ZDHHC14: variants seen among roughly 807,000 people sequenced by gnomAD.
ZDHHC14 encodes zDHHC palmitoyltransferase 14.
A neutral mutation model predicts 47.7 loss-of-function variants in ZDHHC14; 16 were observed. The ratio of observed to expected loss-of-function variants is 0.34; its 90% CI spans 0.23 to 0.51. The LOEUF is 0.51. Ranked by LOEUF, ZDHHC14 falls within the 20% of genes least tolerant of loss-of-function variation. The pLI, the probability that ZDHHC14 is intolerant of heterozygous loss-of-function variation, is 0.97. For synonymous variants in ZDHHC14, 293 were observed against 278.9 expected, an observed-to-expected ratio of 1.05 and a Z score of -0.50; for missense variants, 515 against 662.5, an observed-to-expected ratio of 0.78 and a Z score of 2.44.
chr6:157,615,649 C>T (rs1784935509), intron 3 of ZDHHC14, among the ~76,000 whole-genome samples: 1 of 152,230 alleles, frequency 6.6e-6, no homozygotes, highest in Admixed American at 6.5e-5. Flanking sequence ...AAGTCCTCTG[C>T]CGTAGAGTCC....
In ZDHHC14 at chr6:157,673,330, A is replaced by G; in HGVS notation, c.*208A>G. On this transcript the variant is annotated 3_prime_UTR_variant, in exon 9 of 9. Transcript: ENST00000359775. The surrounding 1 kb of genome is among the most constrained non-coding windows in gnomAD (Gnocchi z 5.4). ...GGTTTCATTTGAATTTTCTTCCCCAACCTGAGTGCTTTGACAACAATGGAA... is the reference window on the plus strand; with the variant it reads ...GGTTTCATTTGAATTTTCTTCCCCAGCCTGAGTGCTTTGACAACAATGGAA... The G allele has an allele frequency of 1.6e-6, 1 of 607,794 alleles. No individual in the cohort carries two copies. 37.7% of individuals were successfully genotyped at this position (607,794 alleles called of 1,614,324 possible).
chr6:157,413,555 G>T (rs374236200), intron 1 of ZDHHC14, among the ~76,000 whole-genome samples: 2 of 151,282 alleles, frequency 1.3e-5, no homozygotes, highest in African/African-American at 2.4e-5. Context: ...TCTTTTAAAG[G>T]TATCTCTGTT....
intron 1 of ZDHHC14, among the ~76,000 whole-genome samples, chr6:157,501,746 C>T (rs1185424707): frequency 6.6e-6 from 1 of 152,182 alleles, no homozygotes; most frequent in Non-Finnish European, 1.5e-5. Context: ...TAGTTTGTAG[C>T]AGAGTATCAA....
chr6:157,556,043 C>G (rs897820651), intron 2 of ZDHHC14, among the ~76,000 whole-genome samples: 5 of 152,072 alleles, frequency 3.3e-5, no homozygotes, highest in African/African-American at 4.8e-5. Flanking sequence ...TACTGGGATG[C>G]GGGGCGGCAG....
chr6:157,419,169 C>T (rs1778046391), intron 1 of ZDHHC14, among the ~76,000 whole-genome samples: 1 of 152,128 alleles, frequency 6.6e-6, no homozygotes, highest in Non-Finnish European at 1.5e-5. Context: ...CTGAGGTTGT[C>T]CCTCCAGTCT....
intron 1 of ZDHHC14, among the ~76,000 whole-genome samples, chr6:157,539,238 CA>C (rs1425459141): frequency 6.6e-6 from 1 of 151,760 alleles, no homozygotes; most frequent in East Asian, 1.9e-4. Flanking sequence ...AGTGTTTCTA[CA>C]AAACACACAA....
intron 1 of ZDHHC14, among the ~76,000 whole-genome samples, chr6:157,520,931 T>G (rs954364337): frequency 3.3e-5 from 5 of 152,220 alleles, no homozygotes; most frequent in African/African-American, 7.2e-5. Context: ...TCTAGACCAT[T>G]TTTTTAATTT....
At chr6:157,462,402 C>G (rs748849813) in intron 1 of ZDHHC14, among the ~76,000 whole-genome samples, 1 of 152,170 alleles carries the variant, frequency 6.6e-6, no homozygotes, top group East Asian at 1.9e-4. Context: ...AAAGTTACCT[C>G]GAGCCATAAG....
intron 1 of ZDHHC14, among the ~76,000 whole-genome samples, chr6:157,470,286 G>T (rs1779324047): frequency 6.6e-6 from 1 of 152,142 alleles, no homozygotes; most frequent in Admixed American, 6.6e-5. Flanking sequence ...AAAAACAGGA[G>T]AATAATTAAG....
intron 1 of ZDHHC14, among the ~76,000 whole-genome samples, chr6:157,410,411 A>G (rs920858354): frequency 3.3e-5 from 5 of 152,248 alleles, no homozygotes; most frequent in African/African-American, 9.6e-5. Flanking sequence ...TGCATTTTGT[A>G]TAAAAAAATG....
chr6:157,507,081 T>C (rs1297913246), intron 1 of ZDHHC14, among the ~76,000 whole-genome samples: 2 of 152,194 alleles, frequency 1.3e-5, no homozygotes, highest in Non-Finnish European at 2.9e-5. Context: ...GGTTCATTCA[T>C]GTTAGACATT....
rs980622542 is a variant in ZDHHC14, at chr6:157,593,103, G to T, written c.522G>T (p.Arg174=). 2.5e-6 allele frequency: 4 copies of T among 1,613,922 alleles called. No individual in the cohort carries two copies. In the African/African-American group the frequency reaches 5.3e-5, roughly 22 times the overall value. The stretch of plus-strand genomic sequence containing the variant: ...ACTGTTTCACCTGCAAGATTTTCCG[G>T]CCCCCTCGCGCCTCCCATTGCAGCC... The part of the protein sequence containing the change: ...LKYCFTCKIF[R]PPRASHCSLC... The change falls in exon 3 of 9, where the codon CGG becomes CGT. Residue 174 remains arginine (R), a synonymous_variant. Transcript: ENST00000359775.
At chr6:157,663,210 C>A (rs1778417000) in intron 8 of ZDHHC14, among the ~76,000 whole-genome samples, 1 of 152,354 alleles carries the variant, frequency 6.6e-6, no homozygotes, top group Non-Finnish European at 1.5e-5. Context: ...CTGGGAGTGC[C>A]CCAAGCGCCA....
intron 1 of ZDHHC14, among the ~76,000 whole-genome samples, chr6:157,454,802 A>C (rs1210500229): frequency 6.6e-6 from 1 of 152,252 alleles, no homozygotes. Flanking sequence ...GTTATTTAAT[A>C]GAAGCCACAG....
intron 5 of ZDHHC14, among the ~76,000 whole-genome samples, chr6:157,634,592 T>C (rs2114962763): frequency 6.6e-6 from 1 of 152,360 alleles, no homozygotes; most frequent in African/African-American, 2.4e-5. Flanking sequence ...GTTTGTGTCA[T>C]GAAAGCATGC....
rs60098453 is a variant in ZDHHC14, at chr6:157,677,811, C to T, written c.*4689C>T. On this transcript the variant is annotated 3_prime_UTR_variant, in exon 9 of 9. Coordinates refer to ENST00000359775, the MANE Select transcript of ZDHHC14 (RefSeq NM_024630.3). Reference sequence around the variant, plus strand: ...TGGCATGTCCAAGGAGACATGCTTTCTGGGTTCTATATGAATAGAGATGGT... The same window carrying T: ...TGGCATGTCCAAGGAGACATGCTTTTTGGGTTCTATATGAATAGAGATGGT... 1.4e-5 allele frequency: 2 copies of T among 144,646 alleles called. No homozygotes were observed. Among genetic ancestry groups the T allele is most frequent in the African/African-American group, 5.2e-5 (2 of 38,358 alleles). The allele number at this position is 144,646 out of a possible 1,614,324, so 9.0% of individuals were successfully genotyped here. A position where few individuals can be genotyped will look rare whatever the true frequency, so the allele number is the denominator to read the frequency against.
intron 2 of ZDHHC14, among the ~76,000 whole-genome samples, chr6:157,546,814 T>C (rs1238277578): frequency 1.3e-5 from 2 of 152,186 alleles, no homozygotes; most frequent in African/African-American, 2.4e-5. Flanking sequence ...GGGATCAAAA[T>C]AGGGGAAAGT....
intron 3 of ZDHHC14, among the ~76,000 whole-genome samples, chr6:157,605,994 A>G (rs1375813061): frequency 6.6e-6 from 1 of 152,254 alleles, no homozygotes; most frequent in South Asian, 2.1e-4. Context: ...TCATGAAGTT[A>G]GCAAGATATA....
intron 3 of ZDHHC14, among the ~76,000 whole-genome samples, chr6:157,610,587 G>A (rs868662689): frequency 6.6e-6 from 1 of 152,180 alleles, no homozygotes; most frequent in African/African-American, 2.4e-5. Flanking sequence ...TGGAGGTCAG[G>A]ATGGAGGGAG....
Sources: gnomAD v4.1 joint callset for allele counts (sites outside exome capture counted in the v4.1 genomes callset) on GRCh38, gnomAD v4.1.1 for gene constraint, Gnocchi (gnomAD v3.1) non-coding constraint, MANE v1.5 for transcripts, NCBI Gene and HGNC (gene_info 2026-07-23, HGNC 2026-07-21) for gene names.